Variants in UIMC1 observed in about 807,000 individuals in gnomAD.
The protein encoded by UIMC1 is ubiquitin interaction motif containing 1.
Under a neutral mutation model 84.9 loss-of-function variants are expected in UIMC1, and 42 were observed. The ratio of observed to expected loss-of-function variants is 0.49; its 90% confidence interval spans 0.39 to 0.64. UIMC1 has a LOEUF of 0.64. Ranked by LOEUF, UIMC1 falls within the 30% of genes least tolerant of loss-of-function variation. UIMC1 has a pLI of 0.00. For synonymous variants in UIMC1, 281 were observed against 293.0 expected, an observed-to-expected ratio of 0.96 and a Z score of 0.42; for missense variants, 825 against 847.6, an observed-to-expected ratio of 0.97 and a Z score of 0.33.
upstream of UIMC1, among the ~76,000 whole-genome samples, chr5:177,007,363 GGAAA>G (rs957018676): frequency 3.4e-5 from 5 of 145,632 alleles, no homozygotes; most frequent in Non-Finnish European, 7.5e-5. Context: ...AAAAAAAAAG[GGAAA>G]GAAAGAAAAG....
intron 1 of UIMC1, among the ~76,000 whole-genome samples, chr5:177,018,210 G>A (rs563514814): frequency 1.3e-5 from 2 of 152,088 alleles, no homozygotes; most frequent in African/African-American, 2.4e-5. Flanking sequence ...AATTAGCTTG[G>A]TGTGGTGGTG....
intron 2 of UIMC1, among the ~76,000 whole-genome samples, chr5:176,977,224 A>C (rs1294576944): frequency 9.6e-6 from 1 of 103,786 alleles, no homozygotes; most frequent in East Asian, 2.1e-4. Flanking sequence ...ATTCTGTCTC[A>C]AAAAAAAAAA....
At chr5:177,005,021 G>A (rs955176632) in intron 1 of UIMC1, among the ~76,000 whole-genome samples, 1 of 151,986 alleles carries the variant, frequency 6.6e-6, no homozygotes, top group Non-Finnish European at 1.5e-5. Flanking sequence ...AGTTTCCCGA[G>A]AAGCTGGGAA....
rs1029548957 is a variant in UIMC1 at position 177,006,753 on chromosome 5, T to C, written c.-112A>G. 6.6e-6 allele frequency: 1 copy of C among 152,104 alleles called. No homozygotes were observed. Among genetic ancestry groups the C allele is most frequent in the South Asian group, 2.1e-4 (1 of 4,824 alleles). The allele number at this position is 152,104 out of a possible 1,614,324, so 9.4% of individuals were successfully genotyped here. On this transcript the variant is annotated 5_prime_UTR_variant, in exon 1 of 15. Transcript: ENST00000511320. ...GAGGGGGAGGGGCGCGCGCGTCCGA[T>C]GCCAGAGACACGCTCTCGGGGCGGG...
chr5:177,016,136 G>A (rs546576193), intron 1 of UIMC1, among the ~76,000 whole-genome samples: 2 of 151,806 alleles, frequency 1.3e-5, no homozygotes, highest in Non-Finnish European at 1.5e-5. Flanking sequence ...AGGCCAAGGT[G>A]GGGGGATCAC....
intron 1 of UIMC1, among the ~76,000 whole-genome samples, chr5:176,996,346 A>C (rs573918207): frequency 5.5e-4 from 83 of 152,288 alleles, no homozygotes; most frequent in Middle Eastern, 3.4e-3. Flanking sequence ...AATGTTCTCT[A>C]TCTTGATTGT....
At chr5:176,963,157 T>TAAAAAAAAAAAAAAAAA (rs70991588) in intron 6 of UIMC1, among the ~76,000 whole-genome samples, 6 of 13,984 alleles carry the variant, frequency 4.3e-4, no homozygotes, top group Non-Finnish European at 3.3e-4. Flanking sequence ...AAAAATAAAT[T>TAAAAAAAAAAAAAAAAA]AAAAAAAAAA....
chr5:176,906,319 A>T (rs1450909265), intron 13 of UIMC1: 3 of 436,680 alleles, frequency 6.9e-6, no homozygotes, highest in African/African-American at 6.0e-5. Flanking sequence ...TTGCCAAGGG[A>T]AATCTGCCAC....
intron 10 of UIMC1, among the ~76,000 whole-genome samples, chr5:176,924,764 G>T (rs1337630729): frequency 6.6e-6 from 1 of 152,100 alleles, no homozygotes; most frequent in Non-Finnish European, 1.5e-5. Context: ...TAGGCAGCCG[G>T]GCGCGGTGGC....
At chr5:177,016,190 C>G (rs972809493) in intron 1 of UIMC1, among the ~76,000 whole-genome samples, 18 of 151,728 alleles carry the variant, frequency 1.2e-4, no homozygotes, top group African/African-American at 4.1e-4. Context: ...CATGGTGAAA[C>G]CCCGTCTCTA....
Position 176,968,939 on chromosome 5 carries a change from G to GC in UIMC1, c.815dup (p.Thr273HisfsTer13). 1.2e-6 allele frequency: 2 copies of GC among 1,614,134 alleles called. No individual in the cohort carries two copies. The highest frequency in any genetic ancestry group is 1.7e-6 in the Non-Finnish European group (2 of 1,180,018). On this transcript the variant is annotated frameshift_variant, in exon 6 of 15. Coordinates refer to ENST00000511320, the MANE Select transcript of UIMC1 (RefSeq NM_001199298.2). LOFTEE classifies it high-confidence loss of function. ...GAATACCCCAGAAATAGTTCACAGT[G>GC]CCCCCAGTGTCCTGGAGACCTTTGG...
chr5:176,915,515 G>A (rs1760858913), intron 10 of UIMC1, among the ~76,000 whole-genome samples: 1 of 151,198 alleles, frequency 6.6e-6, no homozygotes, highest in African/African-American at 2.4e-5. Context: ...GAGTGCAGTG[G>A]TGTGGTATCG....
chr5:176,909,489 G>C (rs1759832502), intron 11 of UIMC1, among the ~76,000 whole-genome samples: 1 of 152,054 alleles, frequency 6.6e-6, no homozygotes, highest in Non-Finnish European at 1.5e-5. Context: ...TGGTCTTATA[G>C]GTAATAATTG....
chr5:177,006,022 G>A (rs1775210520), intron 1 of UIMC1, among the ~76,000 whole-genome samples: 1 of 152,128 alleles, frequency 6.6e-6, no homozygotes. Flanking sequence ...TATTTTCGGG[G>A]CAAATAATTA....
At chr5:176,995,537 CAAAAAAAAAA>C (rs57521139) in intron 1 of UIMC1, among the ~76,000 whole-genome samples, 3 of 36,562 alleles carry the variant, frequency 8.2e-5, no homozygotes, top group Non-Finnish European at 1.6e-4. Flanking sequence ...ACTCTGTCTC[CAAAAAAAAAA>C]AAAAAAAAAA....
chr5:176,978,793 T>C (rs1279192495), intron 2 of UIMC1, among the ~76,000 whole-genome samples: 3 of 152,124 alleles, frequency 2.0e-5, no homozygotes, highest in Non-Finnish European at 1.5e-5. Flanking sequence ...ATAAAGGACA[T>C]CTGATTAAAC....
chr5:177,016,655 C>T (rs879896272), intron 1 of UIMC1, among the ~76,000 whole-genome samples: 3 of 151,312 alleles, frequency 2.0e-5, no homozygotes, highest in Admixed American at 6.6e-5. Context: ...TGCAGTGAGC[C>T]GAGATCTTAC....
intron 10 of UIMC1, among the ~76,000 whole-genome samples, chr5:176,918,762 T>C (rs561218878): frequency 6.6e-6 from 1 of 152,326 alleles, no homozygotes; most frequent in East Asian, 1.9e-4. Flanking sequence ...TACATAGTTA[T>C]CATATTAACA....
chr5:176,932,174 C>T (rs1763172003), intron 10 of UIMC1, among the ~76,000 whole-genome samples: 1 of 152,100 alleles, frequency 6.6e-6, no homozygotes, highest in African/African-American at 2.4e-5. Context: ...AGATAATGTC[C>T]TCTCCAGAAA....
Sources: gnomAD v4.1 joint callset for allele counts (sites outside exome capture counted in the v4.1 genomes callset) on GRCh38, gnomAD v4.1.1 for gene constraint, MANE v1.5 for transcripts, NCBI Gene and HGNC (gene_info 2026-07-23, HGNC 2026-07-21) for gene names.